The following ROBO2 variants were observed in gnomAD, a reference collection of about 807,000 sequenced individuals.
The protein encoded by ROBO2 is roundabout homolog 2.
ROBO2 carries 53 observed loss-of-function variants against 160.8 expected under a neutral mutation model. The ratio of observed to expected loss-of-function variants is 0.33; its 90% CI spans 0.26 to 0.41. The LOEUF (loss-of-function observed/expected upper bound fraction) is 0.41, where lower values mean the gene tolerates loss of function less well. ROBO2 is among the 10% of genes least tolerant of loss of function. ROBO2 has a pLI of 1.00. For missense variants in ROBO2, 1,577 were observed against 1,722.4 expected (o/e 0.92, Z 1.49); for synonymous variants, 664 against 611.7 (o/e 1.09, Z -1.26).
chr3:77,187,393 C>A (rs115544842), intron 2 of ROBO2, among the ~76,000 whole-genome samples: 4,670 of 151,854 alleles, frequency 0.031, 249 homozygotes, highest in African/African-American at 0.1. Context: ...CCAATTGTAC[C>A]AAAACTTTGA....
At chr3:76,049,403 A>ATTTTTTTTTTTTTTT (rs1167852972) in intron 2 of ROBO2, among the ~76,000 whole-genome samples, 22 of 53,762 alleles carry the variant, frequency 4.1e-4, no homozygotes, top group African/African-American at 1.7e-3. Context: ...ATATATATAT[A>ATTTTTTTTTTTTTTT]TTTTTTTTTT....
intron 2 of ROBO2, among the ~76,000 whole-genome samples, chr3:76,882,345 T>C (rs1374807323): frequency 1.3e-5 from 2 of 152,116 alleles, no homozygotes; most frequent in Non-Finnish European, 2.9e-5. Context: ...AAAATCAGAA[T>C]TATTTCATGT....
At chr3:76,357,339 C>T (rs897245304) in intron 2 of ROBO2, among the ~76,000 whole-genome samples, 2 of 151,874 alleles carry the variant, frequency 1.3e-5, no homozygotes, top group African/African-American at 2.4e-5. Context: ...CTGCTGTCCT[C>T]ATACAATCAA....
At chr3:77,286,505 C>T (rs1294560334) in intron 2 of ROBO2, among the ~76,000 whole-genome samples, 1 of 152,138 alleles carries the variant, frequency 6.6e-6, no homozygotes, top group East Asian at 1.9e-4. Flanking sequence ...ATCCGACCGC[C>T]TTGGCCTCCC....
intron 2 of ROBO2, among the ~76,000 whole-genome samples, chr3:76,131,671 T>C (rs957253321): frequency 6.6e-6 from 1 of 152,118 alleles, no homozygotes; most frequent in Non-Finnish European, 1.5e-5. Flanking sequence ...ATTTTATTGG[T>C]CATCGTTACT....
intron 2 of ROBO2, among the ~76,000 whole-genome samples, chr3:76,622,269 A>AGAAG (rs1560252789): frequency 1.5e-3 from 85 of 56,896 alleles, no homozygotes; most frequent in South Asian, 9.0e-3. Context: ...AAAGAAAGAA[A>AGAAG]GAAAGAAAGA....
chr3:75,907,997 T>C (rs1300718247), intron 1 of ROBO2, among the ~76,000 whole-genome samples: 2 of 152,074 alleles, frequency 1.3e-5, no homozygotes, highest in Non-Finnish European at 2.9e-5. Flanking sequence ...ACTAACTGTT[T>C]TGCTTTTAGG....
intron 2 of ROBO2, among the ~76,000 whole-genome samples, chr3:77,434,562 C>T (rs1581914144): frequency 6.6e-6 from 1 of 152,148 alleles, no homozygotes; most frequent in East Asian, 1.9e-4. Context: ...TTGTTGTCAC[C>T]ATTTATGAGA....
chr3:76,752,003 T>C (rs552283690), intron 2 of ROBO2, among the ~76,000 whole-genome samples: 4 of 152,266 alleles, frequency 2.6e-5, no homozygotes, highest in African/African-American at 9.6e-5. Flanking sequence ...GTATGTTTAT[T>C]GTGGCACTAT....
chr3:77,543,086 T>G (rs190737061), intron 6 of ROBO2, among the ~76,000 whole-genome samples: 2 of 152,258 alleles, frequency 1.3e-5, no homozygotes, highest in African/African-American at 4.8e-5. Flanking sequence ...TTACCACTCT[T>G]CGCCTAGTCA....
At chr3:76,628,341 C>G (rs1015914857) in intron 2 of ROBO2, among the ~76,000 whole-genome samples, 2 of 151,972 alleles carry the variant, frequency 1.3e-5, no homozygotes, top group African/African-American at 4.8e-5. Context: ...CCCCAAACTC[C>G]GCAACCCCAA....
At chr3:77,596,244 T>G (rs557219380) in intron 18 of ROBO2, among the ~76,000 whole-genome samples, 1 of 152,252 alleles carries the variant, frequency 6.6e-6, no homozygotes, top group African/African-American at 2.4e-5. Context: ...CTGCAGGAAT[T>G]GAGGAAGGAA....
intron 2 of ROBO2, among the ~76,000 whole-genome samples, chr3:77,273,620 C>T (rs1560399134): frequency 6.6e-6 from 1 of 152,144 alleles, no homozygotes; most frequent in Non-Finnish European, 1.5e-5. Flanking sequence ...AGATTTCTAA[C>T]TAGTGATACA....
At chr3:77,549,157 T>G (rs563533514) in intron 7 of ROBO2, among the ~76,000 whole-genome samples, 1 of 151,998 alleles carries the variant, frequency 6.6e-6, no homozygotes, top group East Asian at 2.0e-4. Context: ...AGAAGAAAAA[T>G]GATGGGTTAA....
chr3:77,437,055 T>C (rs980184656), intron 2 of ROBO2, among the ~76,000 whole-genome samples: 5 of 152,040 alleles, frequency 3.3e-5, no homozygotes, highest in African/African-American at 1.2e-4. Context: ...ATGGAATTCA[T>C]GCAAGAAAAT....
intron 2 of ROBO2, among the ~76,000 whole-genome samples, chr3:76,779,758 A>T (rs572512756): frequency 6.6e-6 from 1 of 150,954 alleles, no homozygotes; most frequent in Non-Finnish European, 1.5e-5. Flanking sequence ...GTAGTGTTCT[A>T]TTTTTATGTA....
chr3:76,173,984 C>T (rs1256146295), intron 2 of ROBO2, among the ~76,000 whole-genome samples: 2 of 152,092 alleles, frequency 1.3e-5, no homozygotes, highest in Admixed American at 6.6e-5. Flanking sequence ...CCACCAACAG[C>T]GTGAAAGCAT....
intron 2 of ROBO2, among the ~76,000 whole-genome samples, chr3:76,902,215 T>G (rs1466563589): frequency 1.3e-5 from 2 of 152,046 alleles, no homozygotes; most frequent in Non-Finnish European, 2.9e-5. Flanking sequence ...ACTTCAATAC[T>G]CATAATGTAA....
rs1480429312 is a variant in ROBO2 at position 76,405,985 on chromosome 3, A to G, written c.109+468383A>G. Reference sequence around the variant, plus strand: ...GTTACTTGTGTTTTCCTAATATTATAAGCTTTTTAATAATGAGTATAACTA... The same window carrying G: ...GTTACTTGTGTTTTCCTAATATTATGAGCTTTTTAATAATGAGTATAACTA... On this transcript the variant is annotated intron_variant, in intron 2 of 26. Transcript: ENST00000487694. Among the ~76,000 whole-genome samples, 4 of 151,698 alleles carry G rather than the reference A, an allele frequency of 2.6e-5. No homozygotes were observed. In the East Asian group the frequency reaches 7.7e-4, roughly 29 times the overall value.
Sources: gnomAD v4.1 joint callset for allele counts (sites outside exome capture counted in the v4.1 genomes callset) on GRCh38, gnomAD v4.1.1 for gene constraint, MANE v1.5 for transcripts, NCBI Gene and HGNC (gene_info 2026-07-23, HGNC 2026-07-21) for gene names.